DOP1A: variants seen among roughly 807,000 people sequenced by gnomAD.
DOP1A encodes the protein protein DOP1A.
In DOP1A, 90 loss-of-function variants were observed where a neutral mutation model predicts 267.6. The observed-to-expected ratio is 0.34, with a 90% CI of 0.28 to 0.40. The LOEUF is 0.40. Ranked by LOEUF, DOP1A falls within the 10% of genes least tolerant of loss-of-function variation. DOP1A has a pLI of 1.00. For missense variants in DOP1A, 2,437 were observed against 2,900.4 expected (o/e 0.84, Z 3.67); for synonymous variants, 932 against 999.1 (o/e 0.93, Z 1.27).
At chr6:83,141,854 C>A in intron 23 of DOP1A, 67 bp from the exon 24 acceptor site, 1 of 1,513,834 alleles carries the variant, frequency 6.6e-7, no homozygotes, top group Non-Finnish European at 8.9e-7. Context: ...ACCAAAAACG[C>A]AGTCTAGTTG....
At chr6:83,121,515 A>G (rs1174797908) in intron 10 of DOP1A, among the ~76,000 whole-genome samples, 5 of 151,746 alleles carry the variant, frequency 3.3e-5, no homozygotes, top group Non-Finnish European at 7.4e-5. Context: ...AGTAATTACA[A>G]GTAGCTTTTG....
intron 4 of DOP1A, among the ~76,000 whole-genome samples, chr6:83,105,997 G>A (rs1424316066): frequency 6.6e-6 from 1 of 151,998 alleles, no homozygotes; most frequent in Non-Finnish European, 1.5e-5. Context: ...CACACGTTAT[G>A]GAGTAAATGA....
rs938025424 is a variant in DOP1A at position 83,159,946 on chromosome 6, T to C, written c.6948T>C (p.Leu2316=). 6.2e-7 allele frequency: 1 copy of C among 1,613,992 alleles called. No individual in the cohort carries two copies. Among genetic ancestry groups the C allele is most frequent in the African/African-American group, 1.3e-5 (1 of 74,938 alleles). ...DLALALPSEN[L]PQFQMYRWAF... is the part of the protein sequence containing the mutation. ...CTCTCGCATTGCCCTCTGAAAACCT[T>C]CCTCAGTTTCAGATGTAAGTAAAAG... Residue 2316 remains leucine (L), a synonymous_variant, in exon 37 of 39, where the codon CTT becomes CTC. Transcript: ENST00000349129.
At chr6:83,116,598 T>C (rs1775471473) in intron 7 of DOP1A, among the ~76,000 whole-genome samples, 1 of 152,084 alleles carries the variant, frequency 6.6e-6, no homozygotes, top group African/African-American at 2.4e-5. Flanking sequence ...TCACTTGAGG[T>C]CAGGAGTTCA....
intron 7 of DOP1A, among the ~76,000 whole-genome samples, chr6:83,115,558 T>TA (rs1775287544): frequency 6.6e-6 from 1 of 152,048 alleles, no homozygotes. Flanking sequence ...CCGTCTCTAC[T>TA]AAAAATACAA....
At position 83,096,984 on chromosome 6, in the gene DOP1A, A is replaced by C. The variant is rs752674991; in HGVS notation, c.7A>C (p.Thr3Pro). The change falls in exon 3 of 39, where the codon ACA (threonine) becomes CCA (proline). Residue 3 changes from threonine to proline, a missense_variant. By Grantham distance (38) the Thr-to-Pro change is conservative. Transcript: ENST00000349129. The stretch of plus-strand genomic sequence containing the variant: ...AGTGGGAAGTTGTGGGAGGATGAAC[A>C]CAGAAGAGCTGGAGTTATTGAGTGA... MNTEELELLSDSK... is the reference protein window; with the variant it reads MNPEELELLSDSK... The C allele has an allele frequency of 1.2e-6, 2 of 1,613,844 alleles. No homozygotes were observed. Among genetic ancestry groups the C allele is most frequent in the African/African-American group, 2.7e-5 (2 of 74,928 alleles).
At position 83,105,356 on chromosome 6, in the gene DOP1A, C is replaced by CTTTTTT. The variant is rs70987733; in HGVS notation, c.321-3531_321-3526dup. 4.0e-3 allele frequency among the ~76,000 whole-genome samples: 263 copies of CTTTTTT among 65,948 alleles called. 18 individuals carry two copies. Among genetic ancestry groups the CTTTTTT allele is most frequent in the Non-Finnish European group, 5.4e-3 (193 of 35,548 alleles). The allele number at this position is 65,948 out of a possible 152,430, so 43.3% of individuals were successfully genotyped here. A position where few individuals can be genotyped will look rare whatever the true frequency, so the allele number is the denominator to read the frequency against. On this transcript the variant is annotated intron_variant, in intron 4 of 38. Coordinates refer to ENST00000349129, the MANE Select transcript of DOP1A (RefSeq NM_015018.4). ...AAGAGAAATGAACATGGATGTCTTT[C>CTTTTTT]TTTTTTTTTTTTTTTTTTTTTTTTT... is the stretch of plus-strand genomic sequence containing the variant.
At chr6:83,158,236 T>C (rs542251728) in intron 35 of DOP1A, among the ~76,000 whole-genome samples, 2 of 152,028 alleles carry the variant, frequency 1.3e-5, no homozygotes, top group Non-Finnish European at 2.9e-5. Flanking sequence ...CTCCTGACCT[T>C]GTGATCTGCC....
chr6:83,134,035 A>G, intron 18 of DOP1A, 152 bp from the exon 19 acceptor site: 1 of 513,100 alleles, frequency 1.9e-6, no homozygotes, highest in Non-Finnish European at 3.3e-6. Context: ...CTACTGCCAT[A>G]AAGAATATAA....
chr6:83,121,700 T>A (rs944815358), intron 10 of DOP1A, among the ~76,000 whole-genome samples: 1 of 151,808 alleles, frequency 6.6e-6, no homozygotes, highest in African/African-American at 2.4e-5. Context: ...AAAACCAATT[T>A]CTCTGATTCT....
intron 1 of DOP1A, among the ~76,000 whole-genome samples, chr6:83,082,910 C>T (rs1021474115): frequency 3.3e-5 from 5 of 151,680 alleles, no homozygotes; most frequent in Admixed American, 2.6e-4. Flanking sequence ...TGGGTTCAAG[C>T]AATTCTTCTG....
chr6:83,127,462 A>G (rs1777369277), intron 15 of DOP1A, among the ~76,000 whole-genome samples: 1 of 152,168 alleles, frequency 6.6e-6, no homozygotes, highest in South Asian at 2.1e-4. Context: ...CAGCTATAAG[A>G]TAGGCAGAGG....
chr6:83,090,340 A>G (rs1040727266), intron 1 of DOP1A, among the ~76,000 whole-genome samples: 1 of 152,202 alleles, frequency 6.6e-6, no homozygotes, highest in Non-Finnish European at 1.5e-5. Context: ...ATTTAGATTT[A>G]GGTCATCTTG....
At chr6:83,115,042 T>C (rs923625221) in intron 7 of DOP1A, among the ~76,000 whole-genome samples, 3 of 152,186 alleles carry the variant, frequency 2.0e-5, no homozygotes, top group Non-Finnish European at 4.4e-5. Flanking sequence ...TGTATTATAA[T>C]TGTGACTTAA....
intron 30 of DOP1A, 31 bp from the exon 31 acceptor site, chr6:83,153,480 A>G: frequency 6.9e-7 from 1 of 1,459,318 alleles, no homozygotes. Flanking sequence ...TTCACCTCAT[A>G]TGTTACTCTT....
chr6:83,168,255 T>C lies in DOP1A; in HGVS notation c.*88T>C, dbSNP rs1032790382. ...TCTGCGTTGTATAGTTTTTCCTTTTTTGTATGTAACAGAACACATTTCAGA... is the reference window on the plus strand; with the variant it reads ...TCTGCGTTGTATAGTTTTTCCTTTTCTGTATGTAACAGAACACATTTCAGA... On this transcript the variant is annotated 3_prime_UTR_variant, in exon 39 of 39. Transcript: ENST00000349129. 5 of 1,470,012 alleles carry C rather than the reference T, an allele frequency of 3.4e-6. No individual in the cohort carries two copies. In the African/African-American group the frequency reaches 7.1e-5, roughly 21 times the overall value. The allele number at this position is 1,470,012 out of a possible 1,614,324, so 91.1% of individuals were successfully genotyped here. A position where few individuals can be genotyped will look rare whatever the true frequency, so the allele number is the denominator to read the frequency against.
In DOP1A at chr6:83,129,318, G is replaced by T. The variant is rs774869727; in HGVS notation, c.2151G>T (p.Glu717Asp). 5.6e-6 allele frequency: 9 copies of T among 1,605,458 alleles called. No homozygotes were observed. The East Asian group carries it at 1.6e-4, about 28-fold the overall frequency. The change falls in exon 16 of 39, where the codon GAG becomes GAT. Residue 717 changes from glutamate (E) to aspartate (D), a missense_variant. Around this residue, in one of 9 missense-constraint regions of DOP1A, gnomAD observed 498 missense variants for 513.5 expected, o/e 0.97. Coordinates refer to ENST00000349129, the MANE Select transcript of DOP1A (RefSeq NM_015018.4). ...GGGATCTTGGTCGAGAACAAGGAGA[G>T]ACTTCAAAATGGGACAGAAATTCAC... Reference protein sequence around the residue: ...HQGDLGREQGETSKWDRNSQG... With the variant: ...HQGDLGREQGDTSKWDRNSQG...
intron 38 of DOP1A, among the ~76,000 whole-genome samples, chr6:83,163,149 A>G (rs919489297): frequency 6.6e-6 from 1 of 152,134 alleles, no homozygotes; most frequent in African/African-American, 2.4e-5. Context: ...TTAAAGAAGA[A>G]AAAGGAAGGC....
chr6:83,148,686 TAGAG>T (rs1781009669), intron 26 of DOP1A, 69 bp from the exon 27 acceptor site: 2 of 1,015,034 alleles, frequency 2.0e-6, no homozygotes, highest in African/African-American at 3.4e-5. Flanking sequence ...TATAAAAATT[TAGAG>T]AATGTTCCAC....
Sources: allele counts gnomAD v4.1 joint callset (sites outside exome capture counted in the v4.1 genomes callset), GRCh38; gene constraint gnomAD v4.1.1; regional missense constraint gnomAD v4.1.1; transcripts MANE v1.5; gene names NCBI Gene and HGNC (gene_info 2026-07-23, HGNC 2026-07-21).